RNF217: variants seen among roughly 807,000 people sequenced by gnomAD.
RNF217 encodes the protein E3 ubiquitin-protein ligase RNF217.
RNF217 carries 31 observed loss-of-function variants against 57.8 expected under a neutral mutation model. The observed-to-expected ratio is 0.54, with a 90% CI of 0.40 to 0.72. RNF217 has a LOEUF of 0.72. RNF217 is among the 30% of genes least tolerant of loss of function. The pLI, the probability that RNF217 is intolerant of heterozygous loss-of-function variation, is 0.00. For missense variants in RNF217, 696 were observed against 708.3 expected (o/e 0.98, Z 0.20); for synonymous variants, 313 against 294.0 (o/e 1.06, Z -0.66).
chr6:124,967,478 T>C (rs1190088273), intron 1 of RNF217, among the ~76,000 whole-genome samples: 1 of 152,226 alleles, frequency 6.6e-6, no homozygotes, highest in Non-Finnish European at 1.5e-5. Flanking sequence ...GACATGAGGA[T>C]GCCAAAGGGG....
intron 1 of RNF217, among the ~76,000 whole-genome samples, chr6:124,988,275 G>T (rs1784429124): frequency 6.6e-6 from 1 of 152,124 alleles, no homozygotes; most frequent in Admixed American, 6.6e-5. Flanking sequence ...TGCCAAAAAG[G>T]TTGGGGACCA....
chr6:124,974,620 T>C (rs751764665), intron 1 of RNF217, among the ~76,000 whole-genome samples: 1 of 152,186 alleles, frequency 6.6e-6, no homozygotes, highest in Non-Finnish European at 1.5e-5. Flanking sequence ...AATTACAGCT[T>C]CAGCTGTAGT....
chr6:125,011,528 T>C (rs1258524509), intron 1 of RNF217, among the ~76,000 whole-genome samples: 4 of 152,158 alleles, frequency 2.6e-5, no homozygotes, highest in Non-Finnish European at 5.9e-5. Flanking sequence ...CTTGATCTAT[T>C]ATTTTTGCCT....
chr6:125,024,460 G>A (rs1785986618), intron 1 of RNF217, among the ~76,000 whole-genome samples: 1 of 152,002 alleles, frequency 6.6e-6, no homozygotes, highest in African/African-American at 2.4e-5. Flanking sequence ...GTGCACGCCT[G>A]TAATCCCAGC....
intron 1 of RNF217, among the ~76,000 whole-genome samples, chr6:125,024,164 A>G (rs1341133006): frequency 2.0e-5 from 3 of 152,234 alleles, no homozygotes; most frequent in East Asian, 1.9e-4. Context: ...TGGAGATCAA[A>G]AGATGTAAAT....
chr6:125,092,199 A>T lies in RNF217; in HGVS notation c.*9262A>T, dbSNP rs1788974852. 1 of 152,086 alleles carries T rather than the reference A, an allele frequency of 6.6e-6. No individual in the cohort carries two copies. Among genetic ancestry groups the T allele is most frequent in the Non-Finnish European group, 1.5e-5 (1 of 68,014 alleles). The allele number at this position is 152,086 out of a possible 1,614,324, so 9.4% of individuals were successfully genotyped here. A position where few individuals can be genotyped will look rare whatever the true frequency, so the allele number is the denominator to read the frequency against. On this transcript the variant is annotated 3_prime_UTR_variant, in exon 6 of 6. Transcript: ENST00000521654. ...ATTACCTCAAGAATTTTCAGTCGATATGTCAATGTACTGTTCCTTCTCAGT... is the reference window on the plus strand; with the variant it reads ...ATTACCTCAAGAATTTTCAGTCGATTTGTCAATGTACTGTTCCTTCTCAGT...
intron 1 of RNF217, among the ~76,000 whole-genome samples, chr6:124,967,810 C>T (rs1047849136): frequency 6.6e-6 from 1 of 152,022 alleles, no homozygotes; most frequent in Non-Finnish European, 1.5e-5. Context: ...GAGAATCTCC[C>T]TCTTGTCGCC....
intron 1 of RNF217, among the ~76,000 whole-genome samples, chr6:125,011,074 G>A (rs932391648): frequency 1.3e-5 from 2 of 152,112 alleles, no homozygotes; most frequent in African/African-American, 4.8e-5. Context: ...TAGTATGGTG[G>A]TGGTATAGGG....
At chr6:124,985,322 A>G (rs917966800) in intron 1 of RNF217, among the ~76,000 whole-genome samples, 2 of 152,240 alleles carry the variant, frequency 1.3e-5, no homozygotes, top group Non-Finnish European at 2.9e-5. Context: ...TTGCGGATAC[A>G]TAATAGGTAT....
chr6:124,986,243 G>C (rs1784360188), intron 1 of RNF217, among the ~76,000 whole-genome samples: 1 of 152,158 alleles, frequency 6.6e-6, no homozygotes, highest in East Asian at 1.9e-4. Context: ...GCCAAAGATT[G>C]CTATTTCTAT....
intron 1 of RNF217, among the ~76,000 whole-genome samples, chr6:124,981,622 C>G (rs1405360330): frequency 6.6e-6 from 1 of 152,160 alleles, no homozygotes; most frequent in African/African-American, 2.4e-5. Context: ...ATCAGATATG[C>G]ATTTGCCTCA....
At position 125,027,068 on chromosome 6, in the gene RNF217, GT is replaced by G. The variant is rs371265247; in HGVS notation, c.883-18139del. Among the ~76,000 whole-genome samples the G allele has an allele frequency of 2.6e-4, 40 of 152,120 alleles. No homozygotes were observed. In the South Asian group the frequency reaches 8.3e-3, roughly 32 times the overall value. On this transcript the variant is annotated intron_variant, in intron 1 of 5. Transcript: ENST00000521654. ...TATATATTTATGGAATATATGAGCT[GT>G]TTTGATGTAAGCATGCAGTGTGAGA...
chr6:125,042,189 T>C (rs1441182576), intron 1 of RNF217, among the ~76,000 whole-genome samples: 3 of 152,068 alleles, frequency 2.0e-5, no homozygotes, highest in African/African-American at 7.2e-5. Flanking sequence ...AAGAGGATAT[T>C]GTTAGTATGA....
chr6:124,988,368 C>G (rs1784432853), intron 1 of RNF217, among the ~76,000 whole-genome samples: 1 of 152,204 alleles, frequency 6.6e-6, no homozygotes, highest in African/African-American at 2.4e-5. Context: ...AACTTTACGA[C>G]TGCTAACTCA....
At chr6:125,050,842 G>A (rs933266318) in intron 2 of RNF217, among the ~76,000 whole-genome samples, 1 of 151,734 alleles carries the variant, frequency 6.6e-6, no homozygotes, top group African/African-American at 2.4e-5. Flanking sequence ...TATCACTCAT[G>A]TCAGGAGCCC....
intron 1 of RNF217, among the ~76,000 whole-genome samples, chr6:124,969,760 G>C (rs1783692390): frequency 6.6e-6 from 1 of 152,118 alleles, no homozygotes; most frequent in Non-Finnish European, 1.5e-5. Context: ...TGGAAAATGA[G>C]ATAAGTAAAT....
intron 1 of RNF217, among the ~76,000 whole-genome samples, chr6:124,988,365 C>T (rs1328432138): frequency 2.6e-5 from 4 of 152,174 alleles, no homozygotes; most frequent in African/African-American, 4.8e-5. Context: ...TAAAACTTTA[C>T]GACTGCTAAC....
intron 1 of RNF217, among the ~76,000 whole-genome samples, chr6:125,003,424 C>G (rs1232827901): frequency 6.6e-6 from 1 of 152,088 alleles, no homozygotes; most frequent in Non-Finnish European, 1.5e-5. Flanking sequence ...CTTCATGTTA[C>G]AATGGTGATA....
rs151151197 is a variant in RNF217 at position 125,084,850 on chromosome 6, T to C, written c.*1913T>C. ...CATCCATCCATTTAACAGATATTTATTGAGTGCCTATCTTAGGTGTAATAG... is the reference window on the plus strand; with the variant it reads ...CATCCATCCATTTAACAGATATTTACTGAGTGCCTATCTTAGGTGTAATAG... On this transcript the variant is annotated 3_prime_UTR_variant, in exon 6 of 6. Transcript: ENST00000521654. 1.8e-3 allele frequency: 278 copies of C among 152,050 alleles called. 2 individuals carry two copies. The highest frequency in any genetic ancestry group is 6.3e-3 in the African/African-American group (263 of 41,542). 9.4% of individuals were successfully genotyped at this position (152,050 alleles called of 1,614,324 possible).
Sources: gnomAD v4.1 joint callset for allele counts (sites outside exome capture counted in the v4.1 genomes callset) on GRCh38, gnomAD v4.1.1 for gene constraint, MANE v1.5 for transcripts, NCBI Gene and HGNC (gene_info 2026-07-23, HGNC 2026-07-21) for gene names.